Variants in UBASH3B observed in about 807,000 individuals in gnomAD.
The protein encoded by UBASH3B is ubiquitin associated and SH3 domain containing B.
In UBASH3B, 37 loss-of-function variants were observed where a neutral mutation model predicts 83.4. The ratio of observed to expected loss-of-function variants is 0.44; its 90% CI spans 0.34 to 0.58. The LOEUF (loss-of-function observed/expected upper bound fraction) is 0.58. Ranked by LOEUF, UBASH3B falls within the 20% of genes least tolerant of loss-of-function variation. UBASH3B has a pLI of 0.01. For synonymous variants in UBASH3B, 304 were observed against 318.3 expected (o/e 0.96, Z 0.48); for missense variants, 657 against 827.2 (o/e 0.79, Z 2.52).
intron 1 of UBASH3B, among the ~76,000 whole-genome samples, chr11:122,683,069 A>T (rs370188802): frequency 6.6e-6 from 1 of 151,964 alleles, no homozygotes; most frequent in African/African-American, 2.4e-5. Context: ...TGGGCAATAC[A>T]GTAAGACCCC....
At chr11:122,665,568 G>A (rs1229474698) in intron 1 of UBASH3B, among the ~76,000 whole-genome samples, 1 of 152,034 alleles carries the variant, frequency 6.6e-6, no homozygotes, top group Non-Finnish European at 1.5e-5. Context: ...CAGAGCATTT[G>A]GCTTTTCTGT....
chr11:122,803,837 T>C lies in UBASH3B; in HGVS notation c.1595+2505T>C, dbSNP rs945715872. Among the ~76,000 whole-genome samples the C allele has an allele frequency of 2.6e-5, 4 of 152,082 alleles. No homozygotes were observed. The East Asian group carries it at 7.8e-4, about 30-fold the overall frequency. ...GCCACCTGACTTCCAGAGCACCGTA[T>C]TCCAGGTTGAGTGGGTGGGGGGAAG... is the stretch of plus-strand genomic sequence containing the variant. On this transcript the variant is annotated intron_variant, in intron 11 of 13. Transcript: ENST00000284273.
rs1229905244 is a variant in UBASH3B, at chr11:122,680,476, T to C, written c.161+24266T>C. 3.3e-5 allele frequency among the ~76,000 whole-genome samples: 5 copies of C among 152,184 alleles called. No homozygotes were observed. In the East Asian group the frequency reaches 9.6e-4, roughly 29 times the overall value. ...ATCAAGTGCTCTCCCTTTATTTTTG[T>C]TTTTGAAACGGAGTTTCGCTCTTGT... On this transcript the variant is annotated intron_variant, in intron 1 of 13. Transcript: ENST00000284273.
chr11:122,712,817 G>A (rs1864213414), intron 1 of UBASH3B, among the ~76,000 whole-genome samples: 2 of 150,834 alleles, frequency 1.3e-5, no homozygotes, highest in Admixed American at 1.3e-4. Flanking sequence ...GGATGAATGA[G>A]GAATAGTGGT....
intron 1 of UBASH3B, among the ~76,000 whole-genome samples, chr11:122,661,911 T>C (rs865923345): frequency 2.4e-5 from 3 of 127,356 alleles, no homozygotes; most frequent in Non-Finnish European, 3.6e-5. Flanking sequence ...TTTTTCTTTT[T>C]TTTTTTTTTT....
chr11:122,740,781 T>C (rs914506361), intron 1 of UBASH3B, among the ~76,000 whole-genome samples: 8 of 152,188 alleles, frequency 5.3e-5, no homozygotes, highest in African/African-American at 1.9e-4. Flanking sequence ...AGCTTTGAGA[T>C]ACTGAACACC....
chr11:122,771,784 C>T (rs898626054), intron 1 of UBASH3B, among the ~76,000 whole-genome samples: 3 of 140,794 alleles, frequency 2.1e-5, no homozygotes, highest in East Asian at 3.9e-4. Flanking sequence ...CACACACACA[C>T]ACACACTAAA....
chr11:122,783,727 C>T (rs1435657910), intron 5 of UBASH3B, among the ~76,000 whole-genome samples: 2 of 152,072 alleles, frequency 1.3e-5, no homozygotes, highest in Admixed American at 6.6e-5. Flanking sequence ...TAAATGTTGT[C>T]CTGTCCTCAA....
rs1021693659 is a variant in UBASH3B at position 122,806,302 on chromosome 11, G to A, written c.1596-108G>A. ...TTCTAGGGAAATGGATAAACAAACA[G>A]ATCTACGGGATCTTTAGAAATGCCT... On this transcript the variant is annotated intron_variant, in intron 11 of 13. Transcript: ENST00000284273. This position sits in a 1 kb window ranked among gnomAD's most constrained non-coding sequence, Gnocchi z 4.0. 13 of 925,120 alleles carry A rather than the reference G, an allele frequency of 1.4e-5. No homozygotes were observed. The East Asian group carries it at 3.4e-4, about 24-fold the overall frequency. 57.3% of individuals were successfully genotyped at this position (925,120 alleles called of 1,614,324 possible). A position where few individuals can be genotyped will look rare whatever the true frequency, so the allele number is the denominator to read the frequency against.
At chr11:122,794,459 G>A (rs567890525) in intron 6 of UBASH3B, among the ~76,000 whole-genome samples, 22 of 152,184 alleles carry the variant, frequency 1.4e-4, no homozygotes, top group South Asian at 1.0e-3. Context: ...CGCCTGCCTC[G>A]GCGTCCCAAA....
At chr11:122,703,471 C>T (rs1864075593) in intron 1 of UBASH3B, among the ~76,000 whole-genome samples, 2 of 151,862 alleles carry the variant, frequency 1.3e-5, no homozygotes, top group African/African-American at 4.8e-5. Flanking sequence ...CCTCCACCAC[C>T]GCTTTTCAAA....
intron 1 of UBASH3B, among the ~76,000 whole-genome samples, chr11:122,772,674 C>T (rs1022376636): frequency 3.3e-5 from 5 of 152,158 alleles, no homozygotes; most frequent in African/African-American, 1.2e-4. Context: ...AAGCTGAGGG[C>T]AGAAAGTAGG....
At chr11:122,768,470 ATGTGTGTGTGTGTG>A (rs568912747) in intron 1 of UBASH3B, among the ~76,000 whole-genome samples, 61 of 140,138 alleles carry the variant, frequency 4.4e-4, no homozygotes, top group African/African-American at 1.5e-3. Context: ...ATATATATGT[ATGTGTGTGTGTGTG>A]TGTGTGTGTG....
At chr11:122,733,157 G>T (rs115329344) in intron 1 of UBASH3B, among the ~76,000 whole-genome samples, 2,079 of 152,244 alleles carry the variant, frequency 0.014, 49 homozygotes, top group African/African-American at 0.047. Flanking sequence ...GTAGAGGTGG[G>T]GTGTTGGCTT....
chr11:122,742,150 C>T (rs1034953868), intron 1 of UBASH3B, among the ~76,000 whole-genome samples: 14 of 152,200 alleles, frequency 9.2e-5, no homozygotes, highest in African/African-American at 3.1e-4. Context: ...TGTCAGTCAG[C>T]GAGACTGCCT....
intron 1 of UBASH3B, among the ~76,000 whole-genome samples, chr11:122,748,651 A>G (rs4935808): frequency 0.96 from 146,179 of 152,258 alleles, 70,547 homozygotes; most frequent in Middle Eastern, 1. Flanking sequence ...CCTCCCGTCC[A>G]CAGAAGATTG....
intron 1 of UBASH3B, among the ~76,000 whole-genome samples, chr11:122,672,621 C>T (rs977432047): frequency 3.9e-5 from 6 of 152,038 alleles, no homozygotes; most frequent in South Asian, 2.1e-4. Flanking sequence ...GCACAGTGCC[C>T]GGCCTATTTT....
chr11:122,685,990 C>A (rs549301034), intron 1 of UBASH3B, among the ~76,000 whole-genome samples: 1 of 152,188 alleles, frequency 6.6e-6, no homozygotes, highest in Non-Finnish European at 1.5e-5. Flanking sequence ...CAAGCCCACA[C>A]GCCAGGGAGG....
chr11:122,742,893 A>C, intron 1 of UBASH3B, among the ~76,000 whole-genome samples: 1 of 152,196 alleles, frequency 6.6e-6, no homozygotes, highest in Non-Finnish European at 1.5e-5. Context: ...ATGTAAATGG[A>C]GTGACCCCAC....
Sources: gnomAD v4.1 joint callset for allele counts (sites outside exome capture counted in the v4.1 genomes callset) on GRCh38, gnomAD v4.1.1 for gene constraint, Gnocchi (gnomAD v3.1) non-coding constraint, MANE v1.5 for transcripts, NCBI Gene and HGNC (gene_info 2026-07-23, HGNC 2026-07-21) for gene names.